Variants in NLRP14 observed in about 807,000 individuals in gnomAD.
NLRP14 encodes NACHT, LRR and PYD domains-containing protein 14.
NLRP14 carries 105 observed loss-of-function variants against 94.7 expected under a neutral mutation model. That is an observed-to-expected ratio of 1.11 (90% CI 0.95 to 1.30). The LOEUF (loss-of-function observed/expected upper bound fraction) is 1.30, where lower values mean the gene tolerates loss of function less well. Ranked by LOEUF, NLRP14 falls within the 50% of genes most tolerant of loss-of-function variation. NLRP14 has a pLI of 0.00. For synonymous variants in NLRP14, 508 were observed against 459.9 expected, an observed-to-expected ratio of 1.10 and a Z score of -1.34; for missense variants, 1,362 against 1,254.1, an observed-to-expected ratio of 1.09 and a Z score of -1.30.
chr11:7,042,534 G>T lies in NLRP14; in HGVS notation c.508G>T (p.Val170Phe). 1 of 1,614,228 alleles carries T rather than the reference G, an allele frequency of 6.2e-7. No individual in the cohort carries two copies. Among genetic ancestry groups the T allele is most frequent in the Non-Finnish European group, 8.5e-7 (1 of 1,180,022 alleles). ...GTTGGAACACTTGTTCGATGTGGAT[G>T]TCAAAACCGGTGCACAGCCACAGAT... The part of the protein sequence containing the change: ...KLLEHLFDVD[V>F]KTGAQPQIVV... Residue 170 changes from valine (V) to phenylalanine (F), a missense_variant, in exon 4 of 12, where the codon GTC becomes TTC. Physicochemically the swap from Val to Phe is conservative, Grantham distance 50. Transcript: ENST00000299481.
intron 3 of NLRP14, among the ~76,000 whole-genome samples, chr11:7,040,886 T>G (rs1198457793): frequency 1.3e-5 from 2 of 152,142 alleles, no homozygotes; most frequent in Non-Finnish European, 1.5e-5. Flanking sequence ...GGCTAATAAT[T>G]TTTGTTTTAT....
intron 8 of NLRP14, 65 bp downstream of exon 8, chr11:7,058,515 A>G: frequency 8.2e-7 from 1 of 1,217,362 alleles, no homozygotes; most frequent in Non-Finnish European, 1.2e-6. Context: ...TTAAAATAGT[A>G]AAATATTATG....
the NLRP14 span, chr11:7,090,077 C>T: frequency 3.1e-6 from 5 of 1,611,350 alleles, no homozygotes; most frequent in Non-Finnish European, 4.2e-6. Context: ...CCGATGCCTA[C>T]AGCGGCGGCC....
intron 1 of NLRP14, among the ~76,000 whole-genome samples, chr11:7,035,312 G>A (rs887637483): frequency 1.3e-5 from 2 of 152,108 alleles, no homozygotes; most frequent in Admixed American, 6.6e-5. Context: ...GCGACAGAGC[G>A]AGACTCCATC....
the NLRP14 span, among the ~76,000 whole-genome samples, chr11:7,082,696 A>G: frequency 6.6e-6 from 1 of 152,004 alleles, no homozygotes; most frequent in Admixed American, 6.6e-5. Flanking sequence ...ATTTATACAA[A>G]TTTTTCCACC....
rs1205326953 is a variant in NLRP14 at position 7,042,693 on chromosome 11, C to A, written c.667C>A (p.Gln223Lys). The A allele has an allele frequency of 1.2e-6, 2 of 1,614,010 alleles. No homozygotes were observed. The highest frequency in any genetic ancestry group is 8.5e-7 in the Non-Finnish European group (1 of 1,179,998). The stretch of plus-strand genomic sequence containing the variant: ...TTATCTCAATGGGAGAGAAATTAAC[C>A]AGCTGAAAGAGAGAAGCTTTGCTCA... ...VFYLNGREINQLKERSFAQLI... is the reference protein window; with the variant it reads ...VFYLNGREINKLKERSFAQLI... Residue 223 changes from glutamine to lysine, a missense_variant, in exon 4 of 12, where the codon CAG becomes AAG. Transcript: ENST00000299481.
chr11:7,043,659 G>A lies in NLRP14; in HGVS notation c.1633G>A (p.Glu545Lys), dbSNP rs1427456981. The stretch of plus-strand genomic sequence containing the variant: ...GAATGAAGATCGAGTAAAACAACTG[G>A]AGAGGACTTTTAACTGTAAAATGTC... ...LLNEDRVKQLERTFNCKMSLK... is the reference protein window; with the variant it reads ...LLNEDRVKQLKRTFNCKMSLK... The change falls in exon 4 of 12, where the codon GAG (glutamate) becomes AAG (lysine). Residue 545 changes from glutamate (E) to lysine (K), a missense_variant. Transcript: ENST00000299481. The A allele has an allele frequency of 2.5e-6, 4 of 1,613,982 alleles. No individual in the cohort carries two copies. The highest frequency in any genetic ancestry group is 3.3e-5 in the Admixed American group (2 of 60,002).
chr11:7,058,838 T>G (rs1035255488), intron 8 of NLRP14, among the ~76,000 whole-genome samples: 1 of 152,106 alleles, frequency 6.6e-6, no homozygotes, highest in South Asian at 2.1e-4. Context: ...AATATAGCAC[T>G]CTGTTGTATG....
the NLRP14 span, among the ~76,000 whole-genome samples, chr11:7,084,635 A>C: frequency 1.3e-5 from 2 of 151,766 alleles, no homozygotes; most frequent in Non-Finnish European, 2.9e-5. Context: ...ATGGGTCAGA[A>C]GCCCCTACAC....
intron 3 of NLRP14, among the ~76,000 whole-genome samples, chr11:7,040,410 A>G (rs1223730585): frequency 1.3e-5 from 2 of 152,174 alleles, no homozygotes; most frequent in Non-Finnish European, 2.9e-5. Flanking sequence ...TCTAGGTTGT[A>G]TGCTCCTTAT....
chr11:7,039,984 C>A (rs35285106), intron 3 of NLRP14, among the ~76,000 whole-genome samples, 199 bp downstream of exon 3: 6 of 152,166 alleles, frequency 3.9e-5, no homozygotes, highest in Non-Finnish European at 8.8e-5. Context: ...AATTCAGATC[C>A]TCAAGAGAAC....
intron 1 of NLRP14, among the ~76,000 whole-genome samples, chr11:7,025,827 A>C (rs1357723955): frequency 1.3e-5 from 2 of 152,092 alleles, no homozygotes; most frequent in East Asian, 3.8e-4. Flanking sequence ...TACATGCATA[A>C]ATTTGAGTAC....
In NLRP14 at chr11:7,042,692, C is replaced by G; in HGVS notation, c.666C>G (p.Asn222Lys). ...TTTATCTCAATGGGAGAGAAATTAA[C>G]CAGCTGAAAGAGAGAAGCTTTGCTC... Reference protein sequence around the residue: ...YVFYLNGREINQLKERSFAQL... With the variant: ...YVFYLNGREIKQLKERSFAQL... Residue 222 changes from asparagine (N) to lysine (K), a missense_variant, in exon 4 of 12, where the codon AAC becomes AAG. Physicochemically the swap from Asn to Lys is moderately conservative, Grantham distance 94. Transcript: ENST00000299481. The G allele has an allele frequency of 6.2e-7, 1 of 1,614,172 alleles. No homozygotes were observed.
the NLRP14 span, chr11:7,089,691 T>C: frequency 6.8e-7 from 1 of 1,470,062 alleles, no homozygotes; most frequent in Non-Finnish European, 9.0e-7. Flanking sequence ...AGACGGCTAC[T>C]CAGGCCCACC....
rs1244755021 is a variant in NLRP14, at chr11:7,057,245, G to T, written c.2292-432G>T. On this transcript the variant is annotated intron_variant, in intron 6 of 11. Transcript: ENST00000299481. Reference sequence around the variant, plus strand: ...AGGACTGGATTCGTCAGAAAACACGGGCTCATGAATAAATGAGCTCACGGG... The same window carrying T: ...AGGACTGGATTCGTCAGAAAACACGTGCTCATGAATAAATGAGCTCACGGG... 2.0e-5 allele frequency among the ~76,000 whole-genome samples: 3 copies of T among 151,672 alleles called. No individual in the cohort carries two copies. The East Asian group carries it at 5.8e-4, about 29-fold the overall frequency.
chr11:7,047,213 A>T (rs77158310), intron 5 of NLRP14, among the ~76,000 whole-genome samples: 5,334 of 152,344 alleles, frequency 0.035, 156 homozygotes, highest in East Asian at 0.13. Context: ...AATAATGTTC[A>T]GTTTGTTGTG....
At chr11:7,055,423 A>C (rs1172514270) in intron 6 of NLRP14, among the ~76,000 whole-genome samples, 1 of 152,130 alleles carries the variant, frequency 6.6e-6, no homozygotes, top group Non-Finnish European at 1.5e-5. Context: ...AAAAAACAAA[A>C]ATAAATTACG....
At position 7,039,184 on chromosome 11, in the gene NLRP14, A is replaced by G. The variant is rs114911313; in HGVS notation, c.289+309A>G. Among the ~76,000 whole-genome samples the G allele has an allele frequency of 7.9e-3, 1,196 of 152,300 alleles. 16 individuals carry two copies. The highest frequency in any genetic ancestry group is 0.027 in the African/African-American group (1,136 of 41,560). ...AGTGCCTTCACCAAAACTACAAGTT[A>G]TAAGTTAGGCAACATTTTGAGGAAT... On this transcript the variant is annotated intron_variant, in intron 2 of 11. Coordinates refer to ENST00000299481, the MANE Select transcript of NLRP14 (RefSeq NM_176822.4).
intron 1 of NLRP14, among the ~76,000 whole-genome samples, chr11:7,031,659 C>G (rs962210794): frequency 6.6e-6 from 1 of 152,196 alleles, no homozygotes; most frequent in African/African-American, 2.4e-5. Flanking sequence ...AAGCCCCTCG[C>G]CTCTCTAACC....
Sources: allele counts gnomAD v4.1 joint callset (sites outside exome capture counted in the v4.1 genomes callset), GRCh38; gene constraint gnomAD v4.1.1; transcripts MANE v1.5; gene names NCBI Gene and HGNC (gene_info 2026-07-23, HGNC 2026-07-21).